Variants in SPINK8 observed in about 807,000 individuals in gnomAD.
SPINK8 encodes serine peptidase inhibitor Kazal type 8 (putative).
In SPINK8, 12 loss-of-function variants were observed where a neutral mutation model predicts 14.4. That is an observed-to-expected ratio of 0.83 (90% CI 0.53 to 1.35). The LOEUF is 1.35. SPINK8 is among the 40% of genes most tolerant of loss of function. SPINK8 has a pLI of 0.00. For missense variants in SPINK8, 103 were observed against 117.0 expected (o/e 0.88, Z 0.55); for synonymous variants, 32 against 37.6 (o/e 0.85, Z 0.55).
At chr3:48,312,540 T>C (rs1200984867) in intron 6 of SPINK8, among the ~76,000 whole-genome samples, 2 of 151,260 alleles carry the variant, frequency 1.3e-5, no homozygotes, top group African/African-American at 4.9e-5. Flanking sequence ...CCACTGGGGA[T>C]GCTGAGGCAG....
At position 48,328,302 on chromosome 3, in the gene SPINK8, T is replaced by TA; in HGVS notation, c.39dup (p.Thr14TyrfsTer10). 1 of 1,611,184 alleles carries TA rather than the reference T, an allele frequency of 6.2e-7. No homozygotes were observed. The highest frequency in any genetic ancestry group is 1.1e-5 in the South Asian group (1 of 90,126). On this transcript the variant is annotated frameshift_variant, in exon 4 of 8. Coordinates refer to ENST00000434006, the MANE Select transcript of SPINK8 (RefSeq NM_001080525.3). LOFTEE classifies it high-confidence loss of function. Reference sequence around the variant, plus strand: ...ATTGCAAAGGCCATCCACATGGAGGTAGCTAGAACAAGGATGGCGTCTGAG... The same window carrying TA: ...ATTGCAAAGGCCATCCACATGGAGGTAAGCTAGAACAAGGATGGCGTCTGAG...
intron 6 of SPINK8, among the ~76,000 whole-genome samples, chr3:48,316,985 C>T (rs1426108713): frequency 6.6e-6 from 1 of 152,128 alleles, no homozygotes; most frequent in Non-Finnish European, 1.5e-5. Context: ...AACTTGAATT[C>T]ATGTGAAGAA....
chr3:48,320,373 C>T (rs980201712), intron 5 of SPINK8, among the ~76,000 whole-genome samples: 1 of 152,050 alleles, frequency 6.6e-6, no homozygotes, highest in Non-Finnish European at 1.5e-5. Flanking sequence ...CATGGTGAAA[C>T]CCCATCTCTA....
intron 6 of SPINK8, 131 bp from the exon 7 acceptor site, chr3:48,310,077 A>G: frequency 1.7e-6 from 2 of 1,147,638 alleles, no homozygotes; most frequent in Non-Finnish European, 2.2e-6. Context: ...CTTGGCAAAT[A>G]TTTAAAAATT....
At chr3:48,312,011 G>A (rs2035929055) in intron 6 of SPINK8, among the ~76,000 whole-genome samples, 1 of 152,068 alleles carries the variant, frequency 6.6e-6, no homozygotes, top group Non-Finnish European at 1.5e-5. Flanking sequence ...CAATAATCTT[G>A]CAGTGTCAGC....
intron 4 of SPINK8, 87 bp from the exon 5 acceptor site, chr3:48,321,161 C>T: frequency 1.5e-6 from 2 of 1,344,672 alleles, no homozygotes; most frequent in Non-Finnish European, 2.0e-6. Context: ...CCCTAGTTGG[C>T]ACACAGGAAG....
Position 48,315,720 on chromosome 3 carries a change from C to CAAAAAAAAAAAAAAAAAA in SPINK8, c.239+3759_239+3776dup, listed in dbSNP as rs66504818. The stretch of plus-strand genomic sequence containing the variant: ...TGGGTAACAGAGTAAGACTCCATCT[C>CAAAAAAAAAAAAAAAAAA]AAAAAAAAAAAAAAAAAAAAAAAAG... On this transcript the variant is annotated intron_variant, in intron 6 of 7. Transcript: ENST00000434006. Among the ~76,000 whole-genome samples the CAAAAAAAAAAAAAAAAAA allele has an allele frequency of 1.5e-3, 33 of 21,914 alleles. 2 individuals carry two copies. Among genetic ancestry groups the CAAAAAAAAAAAAAAAAAA allele is most frequent in the East Asian group, 2.4e-3 (2 of 824 alleles). 14.4% of individuals were successfully genotyped at this position (21,914 alleles called of 152,430 possible). A position where few individuals can be genotyped will look rare whatever the true frequency, so the allele number is the denominator to read the frequency against.
Position 48,315,955 on chromosome 3 carries a change from T to C in SPINK8, c.239+3542A>G, listed in dbSNP as rs2035986396. 1.3e-5 allele frequency among the ~76,000 whole-genome samples: 2 copies of C among 151,954 alleles called. 1 individual carries two copies. The highest frequency in any genetic ancestry group is 4.1e-4 in the South Asian group (2 of 4,824). ...TGAGCAGACAGAAGAAAGAGTCAAA[T>C]GTGCTTGAAGATAGACCAATGAATA... On this transcript the variant is annotated intron_variant, in intron 6 of 7. Transcript: ENST00000434006.
chr3:48,330,779 T>C (rs1348498779), intron 2 of SPINK8, among the ~76,000 whole-genome samples: 1 of 142,908 alleles, frequency 7.0e-6, no homozygotes, highest in Non-Finnish European at 1.6e-5. Context: ...TAAACGTGGG[T>C]GCGTTCACCT....
intron 4 of SPINK8, among the ~76,000 whole-genome samples, chr3:48,322,503 T>A (rs1230996033): frequency 6.6e-6 from 1 of 152,090 alleles, no homozygotes; most frequent in Non-Finnish European, 1.5e-5. Flanking sequence ...GCCCAGCTAA[T>A]TTTTGTATTT....
intron 6 of SPINK8, among the ~76,000 whole-genome samples, chr3:48,316,151 G>A (rs1433177048): frequency 3.3e-5 from 5 of 152,130 alleles, no homozygotes. Context: ...TATACATAAA[G>A]GGAATCCCTC....
rs1331453797 is a variant in SPINK8, at chr3:48,322,429, G to A, written c.68-1355C>T. ...CAGCTCACTGCAACCTCGGCCTCCT[G>A]GGTTCAAGTGATTCTCCTGTCTCAG... is the stretch of plus-strand genomic sequence containing the variant. On this transcript the variant is annotated intron_variant, in intron 4 of 7. Coordinates refer to ENST00000434006, the MANE Select transcript of SPINK8 (RefSeq NM_001080525.3). Among the ~76,000 whole-genome samples the A allele has an allele frequency of 4.0e-5, 6 of 151,592 alleles. 1 individual carries two copies. Among genetic ancestry groups the A allele is most frequent in the African/African-American group, 1.2e-4 (5 of 41,240 alleles).
intron 6 of SPINK8, among the ~76,000 whole-genome samples, chr3:48,312,333 A>T (rs1273603632): frequency 6.6e-6 from 1 of 152,168 alleles, no homozygotes; most frequent in Non-Finnish European, 1.5e-5. Flanking sequence ...CAACTGGATA[A>T]CCACATGCAA....
At chr3:48,331,229 C>A (rs1255836502) in intron 2 of SPINK8, among the ~76,000 whole-genome samples, 1 of 152,082 alleles carries the variant, frequency 6.6e-6, no homozygotes, top group African/African-American at 2.4e-5. Context: ...TAAGATGGGG[C>A]TTCAATATTT....
chr3:48,316,054 T>C (rs2107091121), intron 6 of SPINK8, among the ~76,000 whole-genome samples: 1 of 152,158 alleles, frequency 6.6e-6, no homozygotes, highest in African/African-American at 2.4e-5. Context: ...ATGCCTCACA[T>C]AACCAATAAG....
intron 2 of SPINK8, among the ~76,000 whole-genome samples, chr3:48,331,791 C>T (rs1320070008): frequency 6.6e-6 from 1 of 152,252 alleles, no homozygotes; most frequent in Middle Eastern, 3.4e-3. Context: ...TCCTAGGACC[C>T]CTCGGATAGT....
At chr3:48,326,346 G>T (rs1256056217) in intron 4 of SPINK8, among the ~76,000 whole-genome samples, 1 of 152,152 alleles carries the variant, frequency 6.6e-6, no homozygotes, top group Non-Finnish European at 1.5e-5. Context: ...GGTGGCTCAC[G>T]CCTGTAATCC....
intron 6 of SPINK8, among the ~76,000 whole-genome samples, chr3:48,314,496 C>A (rs1160918327): frequency 1.3e-5 from 2 of 152,120 alleles, no homozygotes; most frequent in Non-Finnish European, 2.9e-5. Flanking sequence ...CAACCACCCA[C>A]AATCATAGTG....
In SPINK8 at chr3:48,309,771, A is replaced by T. The variant is rs1186530310; in HGVS notation, c.282+133T>A. 4.0e-6 allele frequency: 5 copies of T among 1,250,958 alleles called. No individual in the cohort carries two copies. The East Asian group carries it at 1.4e-4, about 35-fold the overall frequency. 77.5% of individuals were successfully genotyped at this position (1,250,958 alleles called of 1,614,324 possible). ...TGAATACACATGATAGGCTTATGGG[A>T]TCTATTATTGGCTCTACTTTTATGT... On this transcript the variant is annotated intron_variant, in intron 7 of 7. Coordinates refer to ENST00000434006, the MANE Select transcript of SPINK8 (RefSeq NM_001080525.3).
Sources: gnomAD v4.1 joint callset for allele counts (sites outside exome capture counted in the v4.1 genomes callset) on GRCh38, gnomAD v4.1.1 for gene constraint, MANE v1.5 for transcripts, NCBI Gene and HGNC (gene_info 2026-07-23, HGNC 2026-07-21) for gene names.